Variants in TADA1 observed in about 807,000 individuals in gnomAD.
TADA1 encodes the protein transcriptional adaptor 1.
In TADA1, 23 loss-of-function variants were observed where a neutral mutation model predicts 39.3. The observed-to-expected ratio is 0.58, with a 90% CI of 0.42 to 0.83. The LOEUF is 0.83. Ranked by LOEUF, TADA1 falls within the 40% of genes least tolerant of loss-of-function variation. The pLI is 0.00. For missense variants in TADA1, 352 were observed against 408.1 expected, an observed-to-expected ratio of 0.86 and a Z score of 1.18; for synonymous variants, 137 against 151.8, an observed-to-expected ratio of 0.90 and a Z score of 0.72.
intron 4 of TADA1, 68 bp from the exon 5 acceptor site, chr1:166,862,480 G>A: frequency 7.7e-7 from 1 of 1,305,146 alleles, no homozygotes; most frequent in African/African-American, 1.5e-5. Context: ...GTAAACTCCT[G>A]TACTGAAGTT....
chr1:166,860,371 T>C (rs762785441), intron 5 of TADA1, 34 bp from the exon 6 acceptor site: 3 of 1,567,118 alleles, frequency 1.9e-6, no homozygotes, highest in Non-Finnish European at 8.6e-7. Flanking sequence ...TAGCATGATA[T>C]CCTCTTTAAA....
chr1:166,870,088 T>C (rs1658624436), intron 1 of TADA1, among the ~76,000 whole-genome samples: 1 of 152,150 alleles, frequency 6.6e-6, no homozygotes, highest in Admixed American at 6.5e-5. Flanking sequence ...TCAGCATACA[T>C]GCTCCAACTC....
chr1:166,857,778 A>G, intron 7 of TADA1, 59 bp from the exon 8 acceptor site: 1 of 1,572,130 alleles, frequency 6.4e-7, no homozygotes, highest in Non-Finnish European at 8.7e-7. Context: ...TTTTTCTGAC[A>G]TATAAAAGGG....
chr1:166,857,420 G>A lies in TADA1; in HGVS notation c.*147C>T. 1.1e-6 allele frequency: 1 copy of A among 900,214 alleles called. No homozygotes were observed. Among genetic ancestry groups the A allele is most frequent in the South Asian group, 1.8e-5 (1 of 55,416 alleles). 55.8% of individuals were successfully genotyped at this position (900,214 alleles called of 1,614,324 possible). On this transcript the variant is annotated 3_prime_UTR_variant, in exon 8 of 8. Transcript: ENST00000367874. ...GATTTATATTAATGGCTTCACAACA[G>A]CAACACAAAATGTACTCAATGTCAC...
At chr1:166,861,339 A>AATGTTT (rs1410514958) in intron 5 of TADA1, among the ~76,000 whole-genome samples, 1 of 152,230 alleles carries the variant, frequency 6.6e-6, no homozygotes, top group African/African-American at 2.4e-5. Flanking sequence ...GAATTCATTT[A>AATGTTT]ATGTTTATAA....
At chr1:166,869,940 GT>G in intron 1 of TADA1, 86 bp from the exon 2 acceptor site, 4 of 1,146,520 alleles carry the variant, frequency 3.5e-6, no homozygotes, top group Non-Finnish European at 5.2e-6. Context: ...AAGAGACGGG[GT>G]TTTTTATTCT....
chr1:166,867,731 G>A (rs1658568011), intron 3 of TADA1, among the ~76,000 whole-genome samples: 2 of 151,912 alleles, frequency 1.3e-5, no homozygotes, highest in South Asian at 2.1e-4. Context: ...GCGCCACCAC[G>A]CCCGGCTAAT....
chr1:166,876,226 G>A lies in TADA1; in HGVS notation c.8C>T (p.Thr3Ile), dbSNP rs771173939. The change falls in exon 1 of 8, where the codon ACC (threonine) becomes ATC (isoleucine). Residue 3 changes from threonine to isoleucine, a missense_variant. Thr to Ile is a moderately conservative substitution (Grantham distance 89). Transcript: ENST00000367874. ...GGCCGCCTCCAGCTCGCTCACAAAG[G>A]TCGCCATTGCTCCGCGTGTCTCAGC... is the stretch of plus-strand genomic sequence containing the variant. MA[T>I]FVSELEAAKK... 9 of 1,613,408 alleles carry A rather than the reference G, an allele frequency of 5.6e-6. No homozygotes were observed. Among genetic ancestry groups the A allele is most frequent in the Middle Eastern group, 1.7e-4 (1 of 6,060 alleles).
At chr1:166,865,666 A>AT (rs1436108812) in intron 3 of TADA1, among the ~76,000 whole-genome samples, 1 of 151,730 alleles carries the variant, frequency 6.6e-6, no homozygotes, top group Non-Finnish European at 1.5e-5. Flanking sequence ...ACAAAAAAAA[A>AT]ATATTAGCCG....
chr1:166,869,549 T>C, intron 2 of TADA1, 39 bp from the exon 3 acceptor site: 1 of 1,603,710 alleles, frequency 6.2e-7, no homozygotes, highest in East Asian at 2.2e-5. Flanking sequence ...ATTCAAAACA[T>C]TTTCAACATA....
intron 4 of TADA1, chr1:166,862,666 G>A: frequency 1.9e-6 from 1 of 519,172 alleles, no homozygotes; most frequent in South Asian, 2.2e-5. Flanking sequence ...TTAATACCTT[G>A]GTGATCACAG....
At chr1:166,869,131 T>G (rs1466240935) in intron 3 of TADA1, 1 of 369,378 alleles carries the variant, frequency 2.7e-6, no homozygotes, top group East Asian at 6.5e-5. Context: ...GAACAGACTT[T>G]TTCTCCAGAA....
intron 5 of TADA1, among the ~76,000 whole-genome samples, chr1:166,861,158 C>T (rs1233778250): frequency 6.6e-6 from 1 of 151,926 alleles, no homozygotes; most frequent in East Asian, 1.9e-4. Flanking sequence ...TTCATGAGAG[C>T]CAAGTATATA....
At chr1:166,858,350 G>A (rs1658331887) in intron 6 of TADA1, 69 bp from the exon 7 acceptor site, 7 of 1,213,762 alleles carry the variant, frequency 5.8e-6, no homozygotes, top group Non-Finnish European at 7.8e-6. Flanking sequence ...GGAGTGGCCT[G>A]CTAGAATCTT....
At chr1:166,862,574 A>T (rs1328648594) in intron 4 of TADA1, 162 bp from the exon 5 acceptor site, 2 of 618,670 alleles carry the variant, frequency 3.2e-6, no homozygotes, top group East Asian at 5.5e-5. Flanking sequence ...ATAATCACAG[A>T]TTCACATCCA....
At position 166,862,203 on chromosome 1, in the gene TADA1, C is replaced by A. The variant is rs1311422895; in HGVS notation, c.540G>T (p.Glu180Asp). 1 of 1,613,058 alleles carries A rather than the reference C, an allele frequency of 6.2e-7. No individual in the cohort carries two copies. Among genetic ancestry groups the A allele is most frequent in the South Asian group, 1.1e-5 (1 of 91,028 alleles). ...EAVSAVVYAV[E>D]NHLKDILTSV... Reference sequence around the variant, plus strand: ...TTATTTCTGCCAACAGCAAACCAACCTCCACAGCATAGACAACAGCTGAAA... The same window carrying A: ...TTATTTCTGCCAACAGCAAACCAACATCCACAGCATAGACAACAGCTGAAA... The change falls in exon 5 of 8, where the codon GAG (glutamate) becomes GAT (aspartate). Residue 180 changes from glutamate (E) to aspartate (D), a missense_variant and splice_region_variant. Glu to Asp is a conservative substitution (Grantham distance 45). Coordinates refer to ENST00000367874, the MANE Select transcript of TADA1 (RefSeq NM_053053.4).
chr1:166,862,192 A>C lies in TADA1; in HGVS notation c.540+11T>G. The C allele has an allele frequency of 6.2e-7, 1 of 1,612,720 alleles. No individual in the cohort carries two copies. ...AACCTGTAAGATTATTTCTGCCAACAGCAAACCAACCTCCACAGCATAGAC... is the reference window on the plus strand; with the variant it reads ...AACCTGTAAGATTATTTCTGCCAACCGCAAACCAACCTCCACAGCATAGAC... On this transcript the variant is annotated intron_variant, in intron 5 of 7. Coordinates refer to ENST00000367874, the MANE Select transcript of TADA1 (RefSeq NM_053053.4).
intron 4 of TADA1, chr1:166,862,634 C>T (rs1658440524): frequency 8.6e-6 from 5 of 582,656 alleles, no homozygotes; most frequent in South Asian, 2.0e-5. Context: ...TGGTAGTTTG[C>T]GTAGTAGTTT....
intron 2 of TADA1, 123 bp downstream of exon 2, chr1:166,869,640 A>G (rs183739799): frequency 2.3e-6 from 3 of 1,302,622 alleles, no homozygotes; most frequent in African/African-American, 2.9e-5. Context: ...AAGTATCCAC[A>G]TTATTAAGAT....
Sources: gnomAD v4.1 joint callset for allele counts (sites outside exome capture counted in the v4.1 genomes callset) on GRCh38, gnomAD v4.1.1 for gene constraint, MANE v1.5 for transcripts, NCBI Gene and HGNC (gene_info 2026-07-23, HGNC 2026-07-21) for gene names.